Variants in ARFGEF3 observed in about 807,000 individuals in gnomAD.
ARFGEF3 encodes the protein brefeldin A-inhibited guanine nucleotide-exchange protein 3.
ARFGEF3 carries 96 observed loss-of-function variants against 221.7 expected under a neutral mutation model. The ratio of observed to expected loss-of-function variants is 0.43; its 90% CI spans 0.37 to 0.51. ARFGEF3 has a LOEUF of 0.51. ARFGEF3 is among the 20% of genes least tolerant of loss of function. The probability of loss-of-function intolerance (pLI) is 0.00; values close to 1 mark genes in which losing one functional copy is unlikely to be tolerated. For synonymous variants in ARFGEF3, 1,145 were observed against 1,126.8 expected, an observed-to-expected ratio of 1.02 and a Z score of -0.32; for missense variants, 2,410 against 2,789.9, an observed-to-expected ratio of 0.86 and a Z score of 3.07.
chr6:138,275,924 T>C (rs1209828149), intron 12 of ARFGEF3, among the ~76,000 whole-genome samples: 1 of 152,240 alleles, frequency 6.6e-6, no homozygotes, highest in East Asian at 1.9e-4. Flanking sequence ...ATATGAGCCA[T>C]ATTTTTTATT....
In ARFGEF3 at chr6:138,162,764, G is replaced by T. The variant is rs540148174; in HGVS notation, c.85+593G>T. On this transcript the variant is annotated intron_variant, in intron 1 of 33. Coordinates refer to ENST00000251691, the MANE Select transcript of ARFGEF3 (RefSeq NM_020340.5). This position sits in a 1 kb window ranked among gnomAD's most constrained non-coding sequence, Gnocchi z 4.7. ...TAGGGCTGTGAGCTGTGCTAGCGTT[G>T]AAGTAAGTTCCAGGGAGCAAATTTG... Among the ~76,000 whole-genome samples the T allele has an allele frequency of 2.2e-4, 33 of 152,286 alleles. 1 individual carries two copies. The South Asian group carries it at 6.8e-3, about 32-fold the overall frequency.
Position 138,323,725 on chromosome 6 carries a change from C to A in ARFGEF3, c.4821C>A (p.Ala1607=), listed in dbSNP as rs1488771722. Residue 1607 remains alanine, a synonymous_variant, in exon 30 of 34, where the codon GCC becomes GCA. Transcript: ENST00000251691. ...TCACTGAGGAGATGTGGAGGCTTGCCTGCTGTGCCCTGCAAGATGCGTTCT... is the reference window on the plus strand; with the variant it reads ...TCACTGAGGAGATGTGGAGGCTTGCATGCTGTGCCCTGCAAGATGCGTTCT... ...PVFTEEMWRL[A]CCALQDAFSA... is the part of the protein sequence containing the mutation. 8 of 1,613,892 alleles carry A rather than the reference C, an allele frequency of 5.0e-6. No homozygotes were observed. The highest frequency in any genetic ancestry group is 6.8e-6 in the Non-Finnish European group (8 of 1,179,894).
chr6:138,296,740 C>T, intron 20 of ARFGEF3, 70 bp from the exon 21 acceptor site: 1 of 1,558,780 alleles, frequency 6.4e-7, no homozygotes, highest in East Asian at 2.2e-5. Flanking sequence ...CAACCTCTCT[C>T]TTTGCTTGAA....
At chr6:138,200,278 C>T (rs1351462419) in intron 2 of ARFGEF3, among the ~76,000 whole-genome samples, 1 of 151,960 alleles carries the variant, frequency 6.6e-6, no homozygotes, top group Non-Finnish European at 1.5e-5. Context: ...CAACACAATC[C>T]CCATAAAAAC....
chr6:138,240,149 A>G (rs1367001966), intron 6 of ARFGEF3, among the ~76,000 whole-genome samples: 2 of 152,194 alleles, frequency 1.3e-5, no homozygotes, highest in Non-Finnish European at 2.9e-5. Flanking sequence ...TTTTATTTAT[A>G]GTAGGATTTT....
At chr6:138,330,820 G>A (rs1780215335) in intron 32 of ARFGEF3, among the ~76,000 whole-genome samples, 1 of 152,182 alleles carries the variant, frequency 6.6e-6, no homozygotes, top group Non-Finnish European at 1.5e-5. Flanking sequence ...AAGTTATGAA[G>A]CAGGAATAAA....
At position 138,255,650 on chromosome 6, in the gene ARFGEF3, C is replaced by T; in HGVS notation, c.985C>T (p.Leu329=). 1.2e-6 allele frequency: 2 copies of T among 1,613,856 alleles called. No homozygotes were observed. The highest frequency in any genetic ancestry group is 1.7e-6 in the Non-Finnish European group (2 of 1,179,854). The change falls in exon 10 of 34, where the codon CTG becomes TTG. Residue 329 remains leucine, a synonymous_variant. Transcript: ENST00000251691. The part of the protein sequence containing the change: ...ARTIYYIAAE[L]VRLVGSVDSM... ...GACTATCTATTACATCGCAGCCGAG[C>T]TGGTCCGGCTGGTGGGGTCTGTGGA...
At chr6:138,283,876 G>A (rs1023519993) in intron 14 of ARFGEF3, among the ~76,000 whole-genome samples, 20 of 152,094 alleles carry the variant, frequency 1.3e-4, no homozygotes, top group Admixed American at 4.6e-4. Context: ...TATAGATTTC[G>A]TCCCTGTTTT....
rs1398521901 is a variant in ARFGEF3 at position 138,162,075 on chromosome 6, T to TGGAA, written c.-9_-6dup. 1.3e-6 allele frequency: 2 copies of TGGAA among 1,572,588 alleles called. No individual in the cohort carries two copies. The highest frequency in any genetic ancestry group is 2.8e-5 in the African/African-American group (2 of 70,876). ...TCCCTGTGGGCGGCGGCCCGGCGCC[T>TGGAA]GGAAGGTCAAGATGGAAGAAATCCT... On this transcript the variant is annotated 5_prime_UTR_variant, in exon 1 of 34. Coordinates refer to ENST00000251691, the MANE Select transcript of ARFGEF3 (RefSeq NM_020340.5). The surrounding 1 kb of genome is among the most constrained non-coding windows in gnomAD (Gnocchi z 4.7).
chr6:138,302,091 G>A (rs1278366959), intron 22 of ARFGEF3, among the ~76,000 whole-genome samples: 1 of 152,046 alleles, frequency 6.6e-6, no homozygotes, highest in Non-Finnish European at 1.5e-5. Context: ...AAAGAAACAG[G>A]AAACAGTGAA....
intron 22 of ARFGEF3, among the ~76,000 whole-genome samples, chr6:138,302,375 T>G (rs1779642831): frequency 6.6e-6 from 1 of 152,126 alleles, no homozygotes; most frequent in East Asian, 1.9e-4. Flanking sequence ...TGGAAATAGA[T>G]TAATAGAGAT....
At chr6:138,323,164 G>T (rs140687458) in intron 29 of ARFGEF3, among the ~76,000 whole-genome samples, 3 of 152,262 alleles carry the variant, frequency 2.0e-5, no homozygotes, top group African/African-American at 7.2e-5. Context: ...GAGGGGATCC[G>T]TTGATATTTC....
Position 138,334,106 on chromosome 6 carries a change from A to C in ARFGEF3, c.5260A>C (p.Lys1754Gln), listed in dbSNP as rs777424021. 1 of 1,613,970 alleles carries C rather than the reference A, an allele frequency of 6.2e-7. No individual in the cohort carries two copies. The highest frequency in any genetic ancestry group is 1.1e-5 in the South Asian group (1 of 91,082). The change falls in exon 33 of 34, where the codon AAG becomes CAG. Residue 1754 changes from lysine (K) to glutamine (Q), a missense_variant. This residue lies in a region of ARFGEF3 where 723 missense variants were observed against 991.9 expected (regional missense o/e 0.73). Coordinates refer to ENST00000251691, the MANE Select transcript of ARFGEF3 (RefSeq NM_020340.5). The surrounding 1 kb of genome is among the most constrained non-coding windows in gnomAD (Gnocchi z 5.1). ...EEKTIQVPEAKLAGFLRYISM... is the reference protein window; with the variant it reads ...EEKTIQVPEAQLAGFLRYISM... Reference sequence around the variant, plus strand: ...AAAGACGATACAAGTGCCAGAAGCCAAGCTGGCTGGCTTCCTCAGATACAT... The same window carrying C: ...AAAGACGATACAAGTGCCAGAAGCCCAGCTGGCTGGCTTCCTCAGATACAT...
intron 25 of ARFGEF3, 40 bp downstream of exon 25, chr6:138,311,550 T>C (rs778962618): frequency 7.1e-7 from 1 of 1,418,062 alleles, no homozygotes; most frequent in South Asian, 1.2e-5. Flanking sequence ...CCTGGAAACC[T>C]GCCTCGGAAC....
chr6:138,311,228 A>T (rs771732462), intron 24 of ARFGEF3, among the ~76,000 whole-genome samples, 179 bp from the exon 25 acceptor site: 19 of 152,208 alleles, frequency 1.2e-4, no homozygotes, highest in Non-Finnish European at 1.9e-4. Context: ...TGCAGCTGGG[A>T]GAATGGCTGA....
At chr6:138,235,148 T>G (rs555959758) in intron 5 of ARFGEF3, among the ~76,000 whole-genome samples, 2 of 152,372 alleles carry the variant, frequency 1.3e-5, no homozygotes, top group East Asian at 3.9e-4. Context: ...CTTTTATTTC[T>G]TATGTATGGC....
At chr6:138,244,040 C>T (rs1778441350) in intron 7 of ARFGEF3, among the ~76,000 whole-genome samples, 1 of 152,132 alleles carries the variant, frequency 6.6e-6, no homozygotes, top group Non-Finnish European at 1.5e-5. Flanking sequence ...AAAAGGGGGT[C>T]TGCGACTTCT....
intron 5 of ARFGEF3, among the ~76,000 whole-genome samples, chr6:138,237,282 A>G (rs905563476): frequency 6.6e-6 from 1 of 152,204 alleles, no homozygotes; most frequent in Non-Finnish European, 1.5e-5. Context: ...CTGGATTTTC[A>G]TTGTAGATAA....
At chr6:138,179,864 C>T (rs1174518830) in intron 2 of ARFGEF3, among the ~76,000 whole-genome samples, 1 of 152,214 alleles carries the variant, frequency 6.6e-6, no homozygotes, top group Non-Finnish European at 1.5e-5. Context: ...GGCTGGAGTG[C>T]AGGAGCACAA....
Sources: gnomAD v4.1 joint callset for allele counts (sites outside exome capture counted in the v4.1 genomes callset) on GRCh38, gnomAD v4.1.1 for gene constraint, gnomAD v4.1.1 regional missense constraint, Gnocchi (gnomAD v3.1) non-coding constraint, MANE v1.5 for transcripts, NCBI Gene and HGNC (gene_info 2026-07-23, HGNC 2026-07-21) for gene names.